IL2RA: variants seen among roughly 807,000 people sequenced by gnomAD.
The protein encoded by IL2RA is interleukin-2 receptor subunit alpha.
In IL2RA, 24 loss-of-function variants were observed where a neutral mutation model predicts 37.8. The ratio of observed to expected loss-of-function variants is 0.63; its 90% CI spans 0.46 to 0.89. The LOEUF is 0.89. IL2RA is among the 40% of genes least tolerant of loss of function. The pLI is 0.00. For synonymous variants in IL2RA, 125 were observed against 114.6 expected (o/e 1.09, Z -0.58); for missense variants, 319 against 348.6 (o/e 0.92, Z 0.68).
chr10:6,050,060 G>T (rs543850570), intron 1 of IL2RA, among the ~76,000 whole-genome samples: 2 of 152,284 alleles, frequency 1.3e-5, no homozygotes, highest in South Asian at 4.1e-4. Flanking sequence ...GGCAGAGGAG[G>T]TAGCAAAGTG....
intron 1 of IL2RA, among the ~76,000 whole-genome samples, chr10:6,040,222 T>C (rs748777750): frequency 3.9e-5 from 6 of 152,228 alleles, no homozygotes; most frequent in African/African-American, 1.4e-4. Flanking sequence ...AATATATAGT[T>C]ACTTTCTAAG....
At position 6,028,603 on chromosome 10, in the gene IL2RA, G is replaced by A. The variant is rs1488236666; in HGVS notation, c.65-2578C>T. Among the ~76,000 whole-genome samples the A allele has an allele frequency of 1.3e-5, 2 of 152,170 alleles. No individual in the cohort carries two copies. The highest frequency in any genetic ancestry group is 3.8e-4 in the East Asian group (2 of 5,200). ...TAAGATAATCTAGACCCTTTATAAT[G>A]TATAGCTCATAATATCCAGCAAATT... On this transcript the variant is annotated intron_variant, in intron 1 of 7. Transcript: ENST00000379959. This position sits in a 1 kb window ranked among gnomAD's most constrained non-coding sequence, Gnocchi z 4.1.
intron 1 of IL2RA, among the ~76,000 whole-genome samples, chr10:6,042,074 CA>C (rs984253837): frequency 2.3e-5 from 3 of 128,840 alleles, no homozygotes; most frequent in Admixed American, 9.0e-5. Context: ...TGAAGAATTA[CA>C]AAAAGAAATT....
chr10:6,039,926 T>C (rs1415715378), intron 1 of IL2RA, among the ~76,000 whole-genome samples: 1 of 152,190 alleles, frequency 6.6e-6, no homozygotes, highest in African/African-American at 2.4e-5. Flanking sequence ...CTCTTAACTA[T>C]AAGGTGCCTG....
In IL2RA at chr10:6,014,320, T is replaced by C. The variant is rs1839242234; in HGVS notation, c.795-1424A>G. On this transcript the variant is annotated intron_variant, in intron 7 of 7. Transcript: ENST00000379959. The surrounding 1 kb of genome is among the most constrained non-coding windows in gnomAD (Gnocchi z 4.4). ...TACAGTGATCTTTCGGTAATTCAAA[T>C]GCAGCATTTCTGTTGCCACAAGAGG... Among the ~76,000 whole-genome samples, 1 of 152,050 alleles carries C rather than the reference T, an allele frequency of 6.6e-6. No homozygotes were observed. Among genetic ancestry groups the C allele is most frequent in the Non-Finnish European group, 1.5e-5 (1 of 68,016 alleles).
Position 6,047,207 on chromosome 10 carries a change from A to G in IL2RA, c.64+14881T>C, listed in dbSNP as rs1002839931. Reference sequence around the variant, plus strand: ...AGAAGGGGTTAATCAGACCATGTGGACACAGGTAGCCCAAGGAACAACCCC... The same window carrying G: ...AGAAGGGGTTAATCAGACCATGTGGGCACAGGTAGCCCAAGGAACAACCCC... On this transcript the variant is annotated intron_variant, in intron 1 of 7. Transcript: ENST00000379959. The surrounding 1 kb of genome is among the most constrained non-coding windows in gnomAD (Gnocchi z 5.0). Among the ~76,000 whole-genome samples, 3 of 152,192 alleles carry G rather than the reference A, an allele frequency of 2.0e-5. No homozygotes were observed. The highest frequency in any genetic ancestry group is 7.2e-5 in the African/African-American group (3 of 41,456).
chr10:6,025,823 G>A lies in IL2RA; in HGVS notation c.256+11C>T. The A allele has an allele frequency of 6.2e-7, 1 of 1,613,538 alleles. No homozygotes were observed. Among genetic ancestry groups the A allele is most frequent in the African/African-American group, 1.3e-5 (1 of 75,036 alleles). ...TCTTTTGTTCTTGGTAGTCACAGAA[G>A]GGACACTTACCAGAGCTTGTGCATT... On this transcript the variant is annotated intron_variant, in intron 2 of 7. Coordinates refer to ENST00000379959, the MANE Select transcript of IL2RA (RefSeq NM_000417.3). The surrounding 1 kb of genome is among the most constrained non-coding windows in gnomAD (Gnocchi z 4.4).
At position 6,021,457 on chromosome 10, in the gene IL2RA, C is replaced by T; in HGVS notation, c.583+21G>A. 1 of 1,602,650 alleles carries T rather than the reference C, an allele frequency of 6.2e-7. No individual in the cohort carries two copies. The highest frequency in any genetic ancestry group is 8.5e-7 in the Non-Finnish European group (1 of 1,170,800). ...GATGGAGCAAAGCAACATTGTGGACCCCAGAAGGGAGCCACCCTACCTGGA... is the reference window on the plus strand; with the variant it reads ...GATGGAGCAAAGCAACATTGTGGACTCCAGAAGGGAGCCACCCTACCTGGA... On this transcript the variant is annotated intron_variant, in intron 4 of 7. Coordinates refer to ENST00000379959, the MANE Select transcript of IL2RA (RefSeq NM_000417.3). This position sits in a 1 kb window ranked among gnomAD's most constrained non-coding sequence, Gnocchi z 4.9.
chr10:6,059,577 A>C (rs1259183101), intron 1 of IL2RA, among the ~76,000 whole-genome samples: 2 of 152,210 alleles, frequency 1.3e-5, no homozygotes, highest in South Asian at 4.1e-4. Context: ...CAATATACAG[A>C]CTAAAAATGC....
At chr10:6,051,175 C>A (rs1404440527) in intron 1 of IL2RA, among the ~76,000 whole-genome samples, 1 of 151,984 alleles carries the variant, frequency 6.6e-6, no homozygotes, top group East Asian at 1.9e-4. Context: ...ACCACAAGGA[C>A]CGGAAGCAGA....
rs1208684199 is a variant in IL2RA at position 6,020,854 on chromosome 10, T to A, written c.583+624A>T. ...AGCCTGCATGTAAGTCACTTTTGAT[T>A]GTCGTGATACTAATAAGATTTCAGA... On this transcript the variant is annotated intron_variant, in intron 4 of 7. Transcript: ENST00000379959. The surrounding 1 kb of genome is among the most constrained non-coding windows in gnomAD (Gnocchi z 5.6). Among the ~76,000 whole-genome samples the A allele has an allele frequency of 6.6e-6, 1 of 152,102 alleles. No individual in the cohort carries two copies. Among genetic ancestry groups the A allele is most frequent in the East Asian group, 1.9e-4 (1 of 5,188 alleles).
chr10:6,029,131 T>A lies in IL2RA; in HGVS notation c.65-3106A>T, dbSNP rs1362048136. On this transcript the variant is annotated intron_variant, in intron 1 of 7. Coordinates refer to ENST00000379959, the MANE Select transcript of IL2RA (RefSeq NM_000417.3). The surrounding 1 kb of genome is among the most constrained non-coding windows in gnomAD (Gnocchi z 4.6). ...CCTGCAGATTTGCTGCCATTTATTTTATTTATTTATTTATTTATTTATTTA... is the reference window on the plus strand; with the variant it reads ...CCTGCAGATTTGCTGCCATTTATTTAATTTATTTATTTATTTATTTATTTA... Among the ~76,000 whole-genome samples, 2 of 2,220 alleles carry A rather than the reference T, an allele frequency of 9.0e-4. No homozygotes were observed. The highest frequency in any genetic ancestry group is 5.6e-3 in the African/African-American group (2 of 358). The allele number at this position is 2,220 out of a possible 152,430, so 1.5% of individuals were successfully genotyped here.
rs1394260925 is a variant in IL2RA, at chr10:6,047,652, TATATAA to T, written c.64+14430_64+14435del. Among the ~76,000 whole-genome samples the T allele has an allele frequency of 1.3e-5, 2 of 150,488 alleles. No homozygotes were observed. Among genetic ancestry groups the T allele is most frequent in the East Asian group, 1.9e-4 (1 of 5,156 alleles). On this transcript the variant is annotated intron_variant, in intron 1 of 7. Coordinates refer to ENST00000379959, the MANE Select transcript of IL2RA (RefSeq NM_000417.3). The surrounding 1 kb of genome is among the most constrained non-coding windows in gnomAD (Gnocchi z 5.0). ...ACATCACAATTCAAATACAATAAAG[TATATAA>T]ATATAAATATATAATAAATGAAATA...
At position 6,028,524 on chromosome 10, in the gene IL2RA, C is replaced by T. The variant is rs12722679; in HGVS notation, c.65-2499G>A. Reference sequence around the variant, plus strand: ...ACCAAGCCTAATAGACAAGAGGATGCGCTAGTCATTTAACTGCCTGGCAGA... The same window carrying T: ...ACCAAGCCTAATAGACAAGAGGATGTGCTAGTCATTTAACTGCCTGGCAGA... On this transcript the variant is annotated intron_variant, in intron 1 of 7. Transcript: ENST00000379959. The surrounding 1 kb of genome is among the most constrained non-coding windows in gnomAD (Gnocchi z 4.1). Among the ~76,000 whole-genome samples the T allele has an allele frequency of 3.9e-5, 6 of 152,238 alleles. No individual in the cohort carries two copies. The highest frequency in any genetic ancestry group is 2.1e-4 in the South Asian group (1 of 4,826).
intron 1 of IL2RA, among the ~76,000 whole-genome samples, chr10:6,030,468 G>A (rs1467389097): frequency 6.6e-6 from 1 of 152,074 alleles, no homozygotes; most frequent in Non-Finnish European, 1.5e-5. Flanking sequence ...AACAATAGAA[G>A]CAGAAAATAA....
At chr10:6,017,967 C>T in intron 7 of IL2RA, 86 bp downstream of exon 7, 1 of 978,798 alleles carries the variant, frequency 1.0e-6, no homozygotes, top group Non-Finnish European at 1.6e-6. Context: ...TTAGAGAGAG[C>T]ATGGAGGGGG....
At position 6,029,195 on chromosome 10, in the gene IL2RA, G is replaced by A. The variant is rs527986860; in HGVS notation, c.65-3170C>T. On this transcript the variant is annotated intron_variant, in intron 1 of 7. Transcript: ENST00000379959. This position sits in a 1 kb window ranked among gnomAD's most constrained non-coding sequence, Gnocchi z 4.6. ...TTATTTATTTTTGAGACAGAGTTTC[G>A]CTCTTGTTGCCCAGGCTGGAGTGCA... is the stretch of plus-strand genomic sequence containing the variant. Among the ~76,000 whole-genome samples the A allele has an allele frequency of 8.8e-5, 13 of 147,622 alleles. 1 individual carries two copies. The highest frequency in any genetic ancestry group is 6.5e-4 in the South Asian group (3 of 4,646).
In IL2RA at chr10:6,011,804, G is replaced by T. The variant is rs1338303184; in HGVS notation, c.*1068C>A. On this transcript the variant is annotated 3_prime_UTR_variant, in exon 8 of 8. Coordinates refer to ENST00000379959, the MANE Select transcript of IL2RA (RefSeq NM_000417.3). The surrounding 1 kb of genome is among the most constrained non-coding windows in gnomAD (Gnocchi z 5.2). Reference sequence around the variant, plus strand: ...GATGCTCCCGCCTTGGTCTCCTAGGGAGCTGGGGTTATAGGCCTGAGCCAC... The same window carrying T: ...GATGCTCCCGCCTTGGTCTCCTAGGTAGCTGGGGTTATAGGCCTGAGCCAC... 1 of 152,464 alleles carries T rather than the reference G, an allele frequency of 6.6e-6. No individual in the cohort carries two copies. The highest frequency in any genetic ancestry group is 1.5e-5 in the Non-Finnish European group (1 of 68,136). 9.4% of individuals were successfully genotyped at this position (152,464 alleles called of 1,614,324 possible).
chr10:6,041,820 G>A (rs1349859955), intron 1 of IL2RA, among the ~76,000 whole-genome samples: 1 of 152,064 alleles, frequency 6.6e-6, no homozygotes, highest in Non-Finnish European at 1.5e-5. Flanking sequence ...TTAGTAACAG[G>A]AGAAACTAGA....
Sources: gnomAD v4.1 joint callset for allele counts (sites outside exome capture counted in the v4.1 genomes callset) on GRCh38, gnomAD v4.1.1 for gene constraint, Gnocchi (gnomAD v3.1) non-coding constraint, MANE v1.5 for transcripts, NCBI Gene and HGNC (gene_info 2026-07-23, HGNC 2026-07-21) for gene names.